Variants in CDC73 observed in about 807,000 individuals in gnomAD.
The protein encoded by CDC73 is parafibromin.
A neutral mutation model predicts 83.7 loss-of-function variants in CDC73; 21 were observed. The ratio of observed to expected loss-of-function variants is 0.25; its 90% CI spans 0.18 to 0.36. The LOEUF is 0.36. CDC73 is among the 10% of genes least tolerant of loss of function. CDC73 has a pLI of 1.00. For missense variants in CDC73, 342 were observed against 653.3 expected (o/e 0.52, Z 5.19); for synonymous variants, 224 against 212.9 (o/e 1.05, Z -0.45).
At chr1:193,218,358 C>G (rs1677405725) in intron 13 of CDC73, among the ~76,000 whole-genome samples, 1 of 152,210 alleles carries the variant, frequency 6.6e-6, no homozygotes, top group South Asian at 2.1e-4. Flanking sequence ...CTTACAGATT[C>G]ACTGCTATTC....
At chr1:193,249,182 A>G (rs759086603) in intron 15 of CDC73, among the ~76,000 whole-genome samples, 1 of 152,034 alleles carries the variant, frequency 6.6e-6, no homozygotes, top group African/African-American at 2.4e-5. Flanking sequence ...ACAGCCATCA[A>G]CATTGAGGCA....
intron 10 of CDC73, among the ~76,000 whole-genome samples, chr1:193,194,478 A>C (rs535584932): frequency 6.6e-6 from 1 of 152,280 alleles, no homozygotes; most frequent in South Asian, 2.1e-4. Flanking sequence ...TGTTACACAA[A>C]TGATTATGTG....
At chr1:193,223,865 CTTT>C (rs1009532927) in intron 13 of CDC73, among the ~76,000 whole-genome samples, 1 of 140,898 alleles carries the variant, frequency 7.1e-6, no homozygotes, top group Admixed American at 7.1e-5. Flanking sequence ...TTCTTTTTTC[CTTT>C]TTTTTTTTGT....
In CDC73 at chr1:193,122,057, C is replaced by G. The variant is rs961490215; in HGVS notation, c.-144C>G. 5.4e-6 allele frequency: 4 copies of G among 744,176 alleles called. No individual in the cohort carries two copies. Among genetic ancestry groups the G allele is most frequent in the Non-Finnish European group, 2.3e-6 (1 of 436,168 alleles). The allele number at this position is 744,176 out of a possible 1,614,324, so 46.1% of individuals were successfully genotyped here. On this transcript the variant is annotated 5_prime_UTR_variant, in exon 1 of 17. Transcript: ENST00000367435. ...CTACTGCCCCTGCTGCTGTCGTAGG[C>G]GAGGACGGCTGTTAGTGCTGCTGCT...
chr1:193,137,946 G>C, intron 5 of CDC73, 139 bp from the exon 6 acceptor site: 2 of 699,312 alleles, frequency 2.9e-6, no homozygotes, highest in Non-Finnish European at 5.3e-6. Context: ...GCCAAAAGTA[G>C]TCTTGAAGTT....
chr1:193,153,170 C>G (rs1215937923), intron 10 of CDC73, among the ~76,000 whole-genome samples: 1 of 152,072 alleles, frequency 6.6e-6, no homozygotes, highest in African/African-American at 2.4e-5. Context: ...ACTTGGGTAT[C>G]TGTGAATATA....
intron 10 of CDC73, among the ~76,000 whole-genome samples, chr1:193,159,135 C>T (rs559536018): frequency 4.7e-4 from 71 of 151,858 alleles, no homozygotes; most frequent in African/African-American, 1.6e-3. Context: ...CTTTTTTTGA[C>T]GGGGGCAGAT....
intron 2 of CDC73, among the ~76,000 whole-genome samples, chr1:193,125,849 G>C (rs991340882): frequency 6.6e-6 from 1 of 151,826 alleles, no homozygotes; most frequent in Non-Finnish European, 1.5e-5. Flanking sequence ...TGAAAGGTTT[G>C]TATGAGTGTC....
At chr1:193,140,517 G>A (rs1412915486) in intron 6 of CDC73, among the ~76,000 whole-genome samples, 1 of 152,140 alleles carries the variant, frequency 6.6e-6, no homozygotes, top group African/African-American at 2.4e-5. Context: ...TTTGGCAGTG[G>A]CATATGCGAA....
intron 6 of CDC73, among the ~76,000 whole-genome samples, chr1:193,138,571 T>C (rs1383993177): frequency 1.3e-5 from 2 of 151,944 alleles, no homozygotes; most frequent in African/African-American, 4.8e-5. Context: ...AAAGCAGCCA[T>C]AGACAATACA....
Position 193,252,579 on chromosome 1 carries a change from A to G in CDC73, c.*1867A>G, listed in dbSNP as rs1678061670. ...TTGCCTTATGTATATTCAAAGGCTTATGGAAATACTGTAAAGGAACATTAG... is the reference window on the plus strand; with the variant it reads ...TTGCCTTATGTATATTCAAAGGCTTGTGGAAATACTGTAAAGGAACATTAG... On this transcript the variant is annotated 3_prime_UTR_variant, in exon 17 of 17. Coordinates refer to ENST00000367435, the MANE Select transcript of CDC73 (RefSeq NM_024529.5). The G allele has an allele frequency of 4.3e-6, 1 of 231,124 alleles. No homozygotes were observed. Among genetic ancestry groups the G allele is most frequent in the Non-Finnish European group, 8.6e-6 (1 of 116,688 alleles). The allele number at this position is 231,124 out of a possible 1,614,324, so 14.3% of individuals were successfully genotyped here.
chr1:193,130,484 C>T (rs932875428), intron 3 of CDC73, among the ~76,000 whole-genome samples: 5 of 152,314 alleles, frequency 3.3e-5, no homozygotes, highest in East Asian at 3.9e-4. Flanking sequence ...ACTTTGTCTT[C>T]GTAAATTGTT....
intron 9 of CDC73, among the ~76,000 whole-genome samples, chr1:193,151,964 T>TA (rs1179895598): frequency 4.6e-5 from 7 of 152,150 alleles, no homozygotes; most frequent in Non-Finnish European, 1.0e-4. Context: ...TGTATGTATA[T>TA]AAAAATAAGT....
intron 3 of CDC73, among the ~76,000 whole-genome samples, chr1:193,131,771 A>G (rs191935241): frequency 2.0e-5 from 3 of 152,218 alleles, no homozygotes; most frequent in South Asian, 2.1e-4. Context: ...TTTCATTTAG[A>G]TCTGTGCTCA....
chr1:193,125,238 T>C (rs772447536), intron 2 of CDC73, 21 bp downstream of exon 2: 4 of 1,331,906 alleles, frequency 3.0e-6, no homozygotes, highest in Admixed American at 1.7e-5. Context: ...TTCATTTTAC[T>C]TATCTATCTA....
At chr1:193,213,992 G>A (rs1359327392) in intron 13 of CDC73, among the ~76,000 whole-genome samples, 2 of 152,198 alleles carry the variant, frequency 1.3e-5, no homozygotes, top group Admixed American at 6.5e-5. Context: ...CAGAGGTAGA[G>A]CAAGATGGAT....
chr1:193,233,947 A>C (rs1677704585), intron 14 of CDC73, among the ~76,000 whole-genome samples: 1 of 151,886 alleles, frequency 6.6e-6, no homozygotes, highest in Non-Finnish European at 1.5e-5. Flanking sequence ...CAGAGAACGC[A>C]ACACATGGCA....
In CDC73 at chr1:193,153,614, G is replaced by C. The variant is rs76491155; in HGVS notation, c.972+1170G>C. Among the ~76,000 whole-genome samples the C allele has an allele frequency of 7.3e-3, 1,114 of 152,274 alleles. 5 individuals carry two copies. Among genetic ancestry groups the C allele is most frequent in the Non-Finnish European group, 0.011 (754 of 68,020 alleles). On this transcript the variant is annotated intron_variant, in intron 10 of 16. Coordinates refer to ENST00000367435, the MANE Select transcript of CDC73 (RefSeq NM_024529.5). ...TCCAAAAGCAAATAGCAAGTATAGA[G>C]ATCTGATTTTAAGTTTGTTTTTTTC...
chr1:193,135,453 G>A lies in CDC73; in HGVS notation c.370G>A (p.Val124Ile), dbSNP rs2103121534. 6.2e-7 allele frequency: 1 copy of A among 1,612,770 alleles called. No homozygotes were observed. The highest frequency in any genetic ancestry group is 8.5e-7 in the Non-Finnish European group (1 of 1,178,928). ...AATAGGTCTTCAGCGATCTACTCAAGGTATGTCTTGTTGCATATTTATATT... is the reference window on the plus strand; with the variant it reads ...AATAGGTCTTCAGCGATCTACTCAAAGTATGTCTTGTTGCATATTTATATT... ...LEIGLQRSTQ[V>I]KRAADEVLAE... The change falls in exon 4 of 17, where the codon GTC (valine) becomes ATC (isoleucine). Residue 124 changes from valine (V) to isoleucine (I), a missense_variant and splice_region_variant. Val to Ile is a conservative substitution (Grantham distance 29). Around this residue, in one of 3 missense-constraint regions of CDC73, gnomAD observed 99 missense variants for 174.5 expected, o/e 0.57. Coordinates refer to ENST00000367435, the MANE Select transcript of CDC73 (RefSeq NM_024529.5).
Sources: gnomAD v4.1 joint callset for allele counts (sites outside exome capture counted in the v4.1 genomes callset) on GRCh38, gnomAD v4.1.1 for gene constraint, gnomAD v4.1.1 regional missense constraint, MANE v1.5 for transcripts, NCBI Gene and HGNC (gene_info 2026-07-23, HGNC 2026-07-21) for gene names.